ADARB1: variants seen among roughly 807,000 people sequenced by gnomAD.
ADARB1 encodes the protein adenosine deaminase RNA specific B1.
Under a neutral mutation model 52.4 loss-of-function variants are expected in ADARB1, and 10 were observed. That is an observed-to-expected ratio of 0.19 (90% CI 0.12 to 0.32). The LOEUF (loss-of-function observed/expected upper bound fraction) is 0.32, where lower values mean the gene tolerates loss of function less well. ADARB1 is among the 10% of genes least tolerant of loss of function. The pLI, the probability that ADARB1 is intolerant of heterozygous loss-of-function variation, is 1.00. For missense variants in ADARB1, 643 were observed against 922.3 expected (o/e 0.70, Z 3.92); for synonymous variants, 349 against 371.1 (o/e 0.94, Z 0.68).
Position 45,221,952 on chromosome 21 carries a change from T to A in ADARB1, c.1927-66T>A. The A allele has an allele frequency of 6.5e-7, 1 of 1,536,238 alleles. No individual in the cohort carries two copies. Among genetic ancestry groups the A allele is most frequent in the Non-Finnish European group, 8.9e-7 (1 of 1,120,578 alleles). Reference sequence around the variant, plus strand: ...GTTCTGAAGGCCATGTTTTGGTATCTTATTAGGTGTTGTTTTCATCTGTTA... The same window carrying A: ...GTTCTGAAGGCCATGTTTTGGTATCATATTAGGTGTTGTTTTCATCTGTTA... On this transcript the variant is annotated intron_variant, in intron 10 of 10. Transcript: ENST00000348831. This position sits in a 1 kb window ranked among gnomAD's most constrained non-coding sequence, Gnocchi z 4.9.
chr21:45,132,805 G>A (rs2089036020), intron 2 of ADARB1, among the ~76,000 whole-genome samples: 1 of 152,226 alleles, frequency 6.6e-6, no homozygotes, highest in African/African-American at 2.4e-5. Flanking sequence ...GAAAGTTCAG[G>A]AGAGTAAGAT....
intron 1 of ADARB1, among the ~76,000 whole-genome samples, chr21:45,124,307 A>G (rs1601453818): frequency 6.6e-6 from 1 of 152,106 alleles, no homozygotes; most frequent in East Asian, 1.9e-4. Context: ...TCTTTCCAGG[A>G]TGATTTTTGT....
chr21:45,160,346 T>C (rs2090900386), intron 2 of ADARB1, among the ~76,000 whole-genome samples: 1 of 152,248 alleles, frequency 6.6e-6, no homozygotes, highest in South Asian at 2.1e-4. Context: ...GCATAGTCTC[T>C]TTCTGTTTGG....
chr21:45,221,156 CA>C lies in ADARB1; in HGVS notation c.1926+143del. Reference sequence around the variant, plus strand: ...CGATCACTTGGAATGATTCTTCCTTCAGATTGTTTTAGCTTAGAAGTGTGGC... The same window carrying C: ...CGATCACTTGGAATGATTCTTCCTTCGATTGTTTTAGCTTAGAAGTGTGGC... On this transcript the variant is annotated intron_variant, in intron 10 of 10. Coordinates refer to ENST00000348831, the MANE Select transcript of ADARB1 (RefSeq NM_001112.4). This position sits in a 1 kb window ranked among gnomAD's most constrained non-coding sequence, Gnocchi z 4.9. 9.0e-7 allele frequency: 1 copy of C among 1,106,686 alleles called. No homozygotes were observed. The highest frequency in any genetic ancestry group is 1.3e-6 in the Non-Finnish European group (1 of 793,664). The allele number at this position is 1,106,686 out of a possible 1,614,324, so 68.6% of individuals were successfully genotyped here.
chr21:45,130,670 C>T (rs555795173), intron 2 of ADARB1, among the ~76,000 whole-genome samples: 88 of 152,294 alleles, frequency 5.8e-4, no homozygotes, highest in African/African-American at 2.0e-3. Context: ...GTCTGGTTTC[C>T]CTCTGAGCCT....
intron 1 of ADARB1, among the ~76,000 whole-genome samples, chr21:45,081,383 C>A (rs1401764213): frequency 6.6e-6 from 1 of 152,200 alleles, no homozygotes; most frequent in Non-Finnish European, 1.5e-5. Flanking sequence ...TTCTGTTTTT[C>A]ACTTTTGGCA....
At chr21:45,154,606 A>G (rs1035831084) in intron 2 of ADARB1, among the ~76,000 whole-genome samples, 1 of 152,218 alleles carries the variant, frequency 6.6e-6, no homozygotes, top group Non-Finnish European at 1.5e-5. Flanking sequence ...TTCAGTGGCA[A>G]TATAATTTCA....
At chr21:45,152,555 G>T in intron 2 of ADARB1, 1 of 320,666 alleles carries the variant, frequency 3.1e-6, no homozygotes, top group Middle Eastern at 4.4e-4. Context: ...TGCCCCGAGT[G>T]ACTGAGGGAC....
chr21:45,148,186 G>C (rs1477019761), intron 2 of ADARB1, among the ~76,000 whole-genome samples: 3 of 152,160 alleles, frequency 2.0e-5, no homozygotes, highest in Admixed American at 1.3e-4. Flanking sequence ...CTCCTCCTTG[G>C]TTTTCACTCC....
At chr21:45,134,085 T>C (rs1601511139) in intron 2 of ADARB1, among the ~76,000 whole-genome samples, 2 of 103,826 alleles carry the variant, frequency 1.9e-5, no homozygotes, top group Non-Finnish European at 3.9e-5. Flanking sequence ...GCCGGGTGTG[T>C]GCCCGACAGT....
chr21:45,191,920 C>A (rs557760035), intron 8 of ADARB1, among the ~76,000 whole-genome samples: 13 of 118,902 alleles, frequency 1.1e-4, no homozygotes, highest in East Asian at 2.5e-4. Context: ...TTGTAGTTAT[C>A]TTCATGGTCA....
intron 1 of ADARB1, among the ~76,000 whole-genome samples, chr21:45,125,824 T>C (rs1288860476): frequency 1.3e-5 from 2 of 152,264 alleles, no homozygotes; most frequent in Admixed American, 1.3e-4. Context: ...TATATGTAAT[T>C]AATACAGGTT....
chr21:45,097,066 T>C (rs2123711047), intron 1 of ADARB1, among the ~76,000 whole-genome samples: 2 of 152,322 alleles, frequency 1.3e-5, no homozygotes, highest in South Asian at 4.1e-4. Context: ...TGTTCTCAAG[T>C]AGCTTCCTCT....
intron 8 of ADARB1, among the ~76,000 whole-genome samples, chr21:45,201,896 G>T (rs1034393190): frequency 2.0e-5 from 3 of 152,136 alleles, no homozygotes; most frequent in Non-Finnish European, 4.4e-5. Flanking sequence ...GACCTAAAGT[G>T]GGGGCAGCCA....
At chr21:45,141,598 A>G (rs2089725104) in intron 2 of ADARB1, among the ~76,000 whole-genome samples, 1 of 152,100 alleles carries the variant, frequency 6.6e-6, no homozygotes, top group Non-Finnish European at 1.5e-5. Flanking sequence ...TGCTGCTAGC[A>G]TAGTACCACC....
intron 2 of ADARB1, chr21:45,145,271 A>C (rs575295808): frequency 6.6e-6 from 1 of 152,480 alleles, no homozygotes; most frequent in Admixed American, 6.5e-5. Context: ...ACTCGCGCCA[A>C]GCAGGCCCAC....
chr21:45,086,023 T>G (rs554354395), intron 1 of ADARB1, among the ~76,000 whole-genome samples: 57 of 152,290 alleles, frequency 3.7e-4, no homozygotes, highest in Admixed American at 1.6e-3. Context: ...AAAGGAAGGT[T>G]TTTTCCTTTC....
At chr21:45,210,206 G>T (rs2092740933) in intron 9 of ADARB1, among the ~76,000 whole-genome samples, 1 of 152,156 alleles carries the variant, frequency 6.6e-6, no homozygotes, top group African/African-American at 2.4e-5. Context: ...TTTGCATACT[G>T]AGAGAACAAC....
At position 45,142,685 on chromosome 21, in the gene ADARB1, C is replaced by T. The variant is rs116167525; in HGVS notation, c.-48+14112C>T. ...CTGCTCCCCATGAGGTGGTGGGAGC[C>T]GTGTGGGATCTGCCTACTGGGTGTG... On this transcript the variant is annotated intron_variant, in intron 2 of 10. Coordinates refer to ENST00000348831, the MANE Select transcript of ADARB1 (RefSeq NM_001112.4). The surrounding 1 kb of genome is among the most constrained non-coding windows in gnomAD (Gnocchi z 4.0). 8.4e-3 allele frequency among the ~76,000 whole-genome samples: 1,279 copies of T among 152,236 alleles called. 21 individuals are homozygous for T. The highest frequency in any genetic ancestry group is 0.029 in the African/African-American group (1,218 of 41,542).
Sources: allele counts gnomAD v4.1 joint callset (sites outside exome capture counted in the v4.1 genomes callset), GRCh38; gene constraint gnomAD v4.1.1; non-coding constraint Gnocchi (gnomAD v3.1); transcripts MANE v1.5; gene names NCBI Gene and HGNC (gene_info 2026-07-23, HGNC 2026-07-21).